The following ARFGEF2 variants were observed in gnomAD, a reference collection of about 807,000 sequenced individuals.
The protein encoded by ARFGEF2 is ARF guanine nucleotide exchange factor 2.
ARFGEF2 carries 74 observed loss-of-function variants against 219.9 expected under a neutral mutation model. The observed-to-expected ratio is 0.34, with a 90% confidence interval of 0.28 to 0.41. The LOEUF is 0.41. Among genes scored for constraint, ARFGEF2 ranks in the 10% least tolerant of loss-of-function variants. The pLI, the probability that ARFGEF2 is intolerant of heterozygous loss-of-function variation, is 1.00. For missense variants in ARFGEF2, 1,743 were observed against 2,218.3 expected (o/e 0.79, Z 4.30); for synonymous variants, 733 against 799.2 (o/e 0.92, Z 1.40).
At chr20:49,023,700 G>A (rs976161545) in intron 35 of ARFGEF2, among the ~76,000 whole-genome samples, 3 of 151,264 alleles carry the variant, frequency 2.0e-5, no homozygotes, top group East Asian at 1.9e-4. Flanking sequence ...TACCACGCCC[G>A]GCTAATTTTT....
At chr20:48,976,228 G>A in intron 14 of ARFGEF2, 29 bp downstream of exon 14, 5 of 1,612,228 alleles carry the variant, frequency 3.1e-6, no homozygotes, top group Non-Finnish European at 4.2e-6. Flanking sequence ...AACTAGCAGG[G>A]ATTCTAGCAA....
chr20:48,925,482 C>G (rs948819634), intron 1 of ARFGEF2, among the ~76,000 whole-genome samples: 3 of 152,170 alleles, frequency 2.0e-5, no homozygotes, highest in African/African-American at 7.2e-5. Context: ...TGTTTCTGCT[C>G]TTAAACTATA....
chr20:49,020,923 C>T (rs1030193044), intron 34 of ARFGEF2, among the ~76,000 whole-genome samples: 1 of 152,218 alleles, frequency 6.6e-6, no homozygotes, highest in Non-Finnish European at 1.5e-5. Flanking sequence ...CTCCCAGTCT[C>T]CCAGCTCAGC....
At chr20:49,025,589 C>A in intron 36 of ARFGEF2, 108 bp downstream of exon 36, 3 of 1,231,552 alleles carry the variant, frequency 2.4e-6, no homozygotes, top group Non-Finnish European at 3.5e-6. Context: ...AATAACTTAA[C>A]AGATATTTTC....
chr20:48,944,128 G>A (rs143884770), intron 3 of ARFGEF2, among the ~76,000 whole-genome samples: 302 of 152,278 alleles, frequency 2.0e-3, no homozygotes, highest in African/African-American at 6.7e-3. Flanking sequence ...GTGTAATTCT[G>A]TACAGATTGT....
In ARFGEF2 at chr20:49,035,130, C is replaced by T. The variant is rs1476890555; in HGVS notation, c.*1931C>T. 6.6e-6 allele frequency: 1 copy of T among 152,190 alleles called. No homozygotes were observed. Among genetic ancestry groups the T allele is most frequent in the Non-Finnish European group, 1.5e-5 (1 of 68,022 alleles). 9.4% of individuals were successfully genotyped at this position (152,190 alleles called of 1,614,324 possible). A position where few individuals can be genotyped will look rare whatever the true frequency, so the allele number is the denominator to read the frequency against. The stretch of plus-strand genomic sequence containing the variant: ...CATTGATATTTGTACAAAAGGTATA[C>T]ATGGGGAACACGTGTTCATTCATTA... On this transcript the variant is annotated 3_prime_UTR_variant, in exon 39 of 39. Transcript: ENST00000371917.
intron 21 of ARFGEF2, among the ~76,000 whole-genome samples, chr20:48,992,281 A>G (rs1318746086): frequency 1.3e-5 from 2 of 152,236 alleles, no homozygotes; most frequent in Non-Finnish European, 2.9e-5. Context: ...AAATAGAATT[A>G]TGGAAACTGT....
chr20:48,964,788 A>T (rs1049603275), intron 7 of ARFGEF2, among the ~76,000 whole-genome samples: 1 of 152,190 alleles, frequency 6.6e-6, no homozygotes, highest in African/African-American at 2.4e-5. Flanking sequence ...AATGCCAGTA[A>T]ATTATGAATT....
chr20:48,984,587 C>A, intron 14 of ARFGEF2, 142 bp from the exon 15 acceptor site: 1 of 1,082,344 alleles, frequency 9.2e-7, no homozygotes, highest in Non-Finnish European at 1.4e-6. Context: ...TTTAGAAAAG[C>A]TGCCAGGACA....
intron 14 of ARFGEF2, among the ~76,000 whole-genome samples, chr20:48,978,452 C>T (rs573220768): frequency 8.5e-5 from 13 of 152,144 alleles, no homozygotes; most frequent in East Asian, 1.9e-4. Context: ...TGGCAATGTG[C>T]GCTCTTTTTC....
At position 48,994,450 on chromosome 20, in the gene ARFGEF2, G is replaced by C. The variant is rs1341119091; in HGVS notation, c.2974-1G>C. On this transcript the variant is annotated splice_acceptor_variant, in intron 21 of 38. Coordinates refer to ENST00000371917, the MANE Select transcript of ARFGEF2 (RefSeq NM_006420.3). LOFTEE classifies it high-confidence loss of function. ...ATTTCTTCATGCCTTCTTTCTCTTA[G>C]ATCTTGAAATGCATCAGCCAGCTGG... The C allele has an allele frequency of 1.2e-6, 2 of 1,613,772 alleles. No individual in the cohort carries two copies.
chr20:49,025,595 T>C, intron 36 of ARFGEF2, 114 bp downstream of exon 36: 2 of 1,193,344 alleles, frequency 1.7e-6, no homozygotes, highest in Non-Finnish European at 2.4e-6. Flanking sequence ...TTAACAGATA[T>C]TTTCATGCTT....
intron 1 of ARFGEF2, among the ~76,000 whole-genome samples, chr20:48,937,469 G>T (rs1389906284): frequency 6.6e-6 from 1 of 152,100 alleles, no homozygotes; most frequent in Non-Finnish European, 1.5e-5. Context: ...GCTGGTCTGA[G>T]CTCCTGAGCT....
At chr20:49,031,917 CAA>C (rs3091900) in intron 37 of ARFGEF2, 130 bp from the exon 38 acceptor site, 3,505 of 673,566 alleles carry the variant, frequency 5.2e-3, no homozygotes, top group East Asian at 0.011. Context: ...GACCCTGTCT[CAA>C]AAAAAAAAAA....
chr20:48,977,657 A>G (rs939668966), intron 14 of ARFGEF2, among the ~76,000 whole-genome samples: 16 of 152,138 alleles, frequency 1.1e-4, no homozygotes, highest in African/African-American at 3.9e-4. Context: ...TGACTTTTTA[A>G]TGATCGCCAT....
intron 7 of ARFGEF2, 28 bp from the exon 8 acceptor site, chr20:48,965,844 G>A: frequency 6.2e-7 from 1 of 1,613,662 alleles, no homozygotes; most frequent in Non-Finnish European, 8.5e-7. Context: ...GTACTAATTT[G>A]GCTATGACTT....
chr20:48,975,401 A>G (rs2091254775), intron 13 of ARFGEF2, among the ~76,000 whole-genome samples: 1 of 152,090 alleles, frequency 6.6e-6, no homozygotes, highest in Non-Finnish European at 1.5e-5. Context: ...TAACACCAGT[A>G]CCACACTTGT....
chr20:49,013,500 T>G, intron 28 of ARFGEF2, 64 bp from the exon 29 acceptor site: 2 of 1,608,050 alleles, frequency 1.2e-6, no homozygotes, highest in Admixed American at 3.3e-5. Flanking sequence ...CTGCATATAG[T>G]TCCCTTTCAG....
rs2091596396 is a variant in ARFGEF2, at chr20:49,025,454, G to A, written c.4897G>A (p.Glu1633Lys). 1.2e-6 allele frequency: 2 copies of A among 1,613,970 alleles called. No individual in the cohort carries two copies. The highest frequency in any genetic ancestry group is 1.1e-5 in the South Asian group (1 of 91,040). ...SFSKAFNSNYEQRTVLWRAGF... is the reference protein window; with the variant it reads ...SFSKAFNSNYKQRTVLWRAGF... Reference sequence around the variant, plus strand: ...CTCAAAGGCCTTCAACTCCAATTACGAGCAGCGGACTGTCCTGTGGCGAGC... The same window carrying A: ...CTCAAAGGCCTTCAACTCCAATTACAAGCAGCGGACTGTCCTGTGGCGAGC... Residue 1633 changes from glutamate (E) to lysine (K), a missense_variant, in exon 36 of 39, where the codon GAG (glutamate) becomes AAG (lysine). Coordinates refer to ENST00000371917, the MANE Select transcript of ARFGEF2 (RefSeq NM_006420.3).
Sources: gnomAD v4.1 joint callset for allele counts (sites outside exome capture counted in the v4.1 genomes callset) on GRCh38, gnomAD v4.1.1 for gene constraint, MANE v1.5 for transcripts, NCBI Gene and HGNC (gene_info 2026-07-23, HGNC 2026-07-21) for gene names.